Variants in SPMIP3 observed in about 807,000 individuals in gnomAD.
SPMIP3 encodes the protein sperm microtubule inner protein 3.
At chr1:244,381,883 G>A in the SPMIP3 span, among the ~76,000 whole-genome samples, 45 of 152,280 alleles carry the variant, frequency 3.0e-4, no homozygotes, top group African/African-American at 1.1e-3. Flanking sequence ...GTGAGTTGAG[G>A]TCATGCCACT....
chr1:244,378,525 G>A, the SPMIP3 span: 1 of 1,613,848 alleles, frequency 6.2e-7, no homozygotes. Flanking sequence ...GCCTCAATTA[G>A]ACCAACAAAC....
At chr1:244,375,043 A>G in the SPMIP3 span, 2 of 164,544 alleles carry the variant, frequency 1.2e-5, no homozygotes, top group African/African-American at 4.8e-5. Flanking sequence ...CCACTTATTA[A>G]TTTTTTTCCT....
chr1:244,378,727 G>A, the SPMIP3 span: 2 of 1,406,960 alleles, frequency 1.4e-6, no homozygotes, highest in African/African-American at 1.4e-5. Context: ...CTGTCTCAGG[G>A]AGCCTGTTTG....
chr1:244,375,428 C>G, the SPMIP3 span: 11 of 1,613,986 alleles, frequency 6.8e-6, no homozygotes, highest in East Asian at 2.2e-4. Flanking sequence ...GGGCAGCTGG[C>G]AAGACTCCAT....
chr1:244,373,332 T>TTATATATATATATATA, the SPMIP3 span, among the ~76,000 whole-genome samples: 29 of 85,140 alleles, frequency 3.4e-4, 5 homozygotes, highest in South Asian at 1.0e-3. Flanking sequence ...CAAAAAAAAA[T>TTATATATATATATATA]TATATATATA....
At chr1:244,373,723 A>C in the SPMIP3 span, among the ~76,000 whole-genome samples, 103 of 152,038 alleles carry the variant, frequency 6.8e-4, no homozygotes, top group Non-Finnish European at 6.5e-4. Flanking sequence ...CATTGAAAGT[A>C]AAGTCATAGC....
At chr1:244,377,178 G>C in the SPMIP3 span, among the ~76,000 whole-genome samples, 1 of 149,576 alleles carries the variant, frequency 6.7e-6, no homozygotes, top group African/African-American at 2.5e-5. Flanking sequence ...CTGGACTGCA[G>C]TGGCGTGATC....
At chr1:244,361,734 A>G in the SPMIP3 span, among the ~76,000 whole-genome samples, 1 of 152,160 alleles carries the variant, frequency 6.6e-6, no homozygotes, top group Non-Finnish European at 1.5e-5. Context: ...TTTTTGTTAA[A>G]AAAGCATGGC....
chr1:244,380,123 C>CTTTTTTTTT, the SPMIP3 span, among the ~76,000 whole-genome samples: 1 of 115,546 alleles, frequency 8.7e-6, no homozygotes, highest in Non-Finnish European at 1.8e-5. Flanking sequence ...CAGAGTTTTT[C>CTTTTTTTTT]TTTTTTTTTT....
chr1:244,358,593 AAAATT>A, the SPMIP3 span, among the ~76,000 whole-genome samples: 4 of 147,988 alleles, frequency 2.7e-5, no homozygotes, highest in African/African-American at 9.9e-5. Flanking sequence ...AAAAAAAAAA[AAAATT>A]AAGTATGTAT....
the SPMIP3 span, among the ~76,000 whole-genome samples, chr1:244,355,293 C>T: frequency 2.0e-5 from 3 of 152,214 alleles, no homozygotes; most frequent in Non-Finnish European, 2.9e-5. Context: ...GGTTCTTCCC[C>T]ACCCCTTTCT....
the SPMIP3 span, chr1:244,375,540 G>A: frequency 1.7e-6 from 2 of 1,194,560 alleles, no homozygotes; most frequent in Admixed American, 1.8e-5. Context: ...GTCGGCGGGG[G>A]GAAGATACAC....
At chr1:244,383,453 G>A in the SPMIP3 span, among the ~76,000 whole-genome samples, 13 of 152,070 alleles carry the variant, frequency 8.5e-5, no homozygotes, top group Non-Finnish European at 1.2e-4. Context: ...GGGGCTGCAT[G>A]AGGTATGATT....
the SPMIP3 span, among the ~76,000 whole-genome samples, chr1:244,377,869 A>T: frequency 1.3e-5 from 2 of 152,034 alleles, no homozygotes. Flanking sequence ...ACCCAGGCTC[A>T]GTCTCGGCTC....
At chr1:244,356,082 T>C in the SPMIP3 span, among the ~76,000 whole-genome samples, 3 of 152,262 alleles carry the variant, frequency 2.0e-5, no homozygotes, top group African/African-American at 7.2e-5. Context: ...TGGACAATTA[T>C]GTCATTTGCA....
the SPMIP3 span, among the ~76,000 whole-genome samples, chr1:244,356,362 T>C: frequency 1.3e-5 from 2 of 152,218 alleles, no homozygotes; most frequent in Admixed American, 1.3e-4. Context: ...TTACTATTAT[T>C]GTATATTATA....
the SPMIP3 span, among the ~76,000 whole-genome samples, chr1:244,388,239 T>G: frequency 3.9e-5 from 6 of 152,242 alleles, no homozygotes; most frequent in East Asian, 9.7e-4. Flanking sequence ...TATTTTCTAT[T>G]TATTGTGATA....
chr1:244,360,567 T>C, the SPMIP3 span, among the ~76,000 whole-genome samples: 47 of 131,352 alleles, frequency 3.6e-4, 1 homozygote, highest in African/African-American at 1.2e-3. Flanking sequence ...CATGCATGCA[T>C]GGAATATTAT....
At chr1:244,357,228 T>G in the SPMIP3 span, among the ~76,000 whole-genome samples, 1,217 of 151,658 alleles carry the variant, frequency 8.0e-3, 6 homozygotes, top group Non-Finnish European at 0.012. Flanking sequence ...ACCATGGAGA[T>G]TGAAACAAAT....
Sources: allele counts gnomAD v4.1 joint callset (sites outside exome capture counted in the v4.1 genomes callset), GRCh38; gene constraint gnomAD v4.1.1; transcripts MANE v1.5; gene names NCBI Gene and HGNC (gene_info 2026-07-23, HGNC 2026-07-21).